Variants in AP2B1 observed in about 807,000 individuals in gnomAD.
AP2B1 encodes the protein adaptor related protein complex 2 subunit beta 1, also known as AP-2 complex subunit beta.
Under a neutral mutation model 102.0 loss-of-function variants are expected in AP2B1, and 23 were observed. The ratio of observed to expected loss-of-function variants is 0.23; its 90% CI spans 0.16 to 0.32. The LOEUF is 0.32. Among genes scored for constraint, AP2B1 ranks in the 10% least tolerant of loss-of-function variants. AP2B1 has a pLI of 1.00. For synonymous variants in AP2B1, 381 were observed against 421.2 expected (o/e 0.90, Z 1.17); for missense variants, 541 against 1,157.4 (o/e 0.47, Z 7.73).
intron 18 of AP2B1, among the ~76,000 whole-genome samples, chr17:35,695,868 C>G (rs1221743303): frequency 2.6e-5 from 4 of 151,956 alleles, no homozygotes; most frequent in African/African-American, 9.7e-5. Flanking sequence ...TCTTTGAATA[C>G]TATTTATGTT....
chr17:35,611,246 C>T (rs114924435), intron 5 of AP2B1, among the ~76,000 whole-genome samples: 125 of 152,208 alleles, frequency 8.2e-4, no homozygotes, highest in African/African-American at 2.9e-3. Flanking sequence ...TGTGCTGCAA[C>T]CGTCAACCAG....
intron 5 of AP2B1, among the ~76,000 whole-genome samples, chr17:35,619,904 C>T (rs1036765653): frequency 5.3e-5 from 8 of 152,102 alleles, no homozygotes; most frequent in African/African-American, 1.9e-4. Flanking sequence ...CGTGCCTCAG[C>T]CTCCCGAGTA....
intron 2 of AP2B1, among the ~76,000 whole-genome samples, chr17:35,597,608 G>A (rs958104402): frequency 5.9e-5 from 9 of 152,210 alleles, no homozygotes; most frequent in Non-Finnish European, 1.0e-4. Flanking sequence ...GAGTCACTTG[G>A]TGGAGCTCTT....
intron 21 of AP2B1, 127 bp from the exon 22 acceptor site, chr17:35,723,498 T>C: frequency 1.6e-6 from 1 of 642,510 alleles, no homozygotes; most frequent in Non-Finnish European, 2.9e-6. Context: ...TCTCTTTGTT[T>C]AGCTACTCCA....
chr17:35,709,402 A>G lies in AP2B1; in HGVS notation c.2539+94A>G. ...GCCCCAGAAGTTTTGAGTTATTTTGAGGTTAAAAAAAAATGGGTTAAGGAT... is the reference window on the plus strand; with the variant it reads ...GCCCCAGAAGTTTTGAGTTATTTTGGGGTTAAAAAAAAATGGGTTAAGGAT... On this transcript the variant is annotated intron_variant, in intron 19 of 21. Transcript: ENST00000610402. The G allele has an allele frequency of 1.9e-6, 2 of 1,036,860 alleles. 1 individual carries two copies. The highest frequency in any genetic ancestry group is 2.6e-5 in the South Asian group (2 of 77,092). 64.2% of individuals were successfully genotyped at this position (1,036,860 alleles called of 1,614,324 possible). A position where few individuals can be genotyped will look rare whatever the true frequency, so the allele number is the denominator to read the frequency against.
At chr17:35,639,502 G>C (rs1191620086) in intron 10 of AP2B1, 93 bp from the exon 11 acceptor site, 1 of 1,167,448 alleles carries the variant, frequency 8.6e-7, no homozygotes, top group Non-Finnish European at 1.2e-6. Context: ...GTTTGGTTTA[G>C]GGTCCCTTGT....
chr17:35,697,777 C>G (rs1280407966), intron 18 of AP2B1, among the ~76,000 whole-genome samples: 2 of 152,096 alleles, frequency 1.3e-5, no homozygotes, highest in Non-Finnish European at 2.9e-5. Flanking sequence ...GCCTGGCCAA[C>G]ATGGCGAAAC....
intron 5 of AP2B1, among the ~76,000 whole-genome samples, chr17:35,617,497 A>C (rs777578189): frequency 5.9e-5 from 9 of 152,194 alleles, no homozygotes; most frequent in Non-Finnish European, 4.4e-5. Context: ...AACTTTTAGG[A>C]TGAAGAATTT....
intron 21 of AP2B1, among the ~76,000 whole-genome samples, chr17:35,720,571 ATATTT>A (rs1268737754): frequency 2.7e-4 from 12 of 44,186 alleles, no homozygotes; most frequent in African/African-American, 6.7e-4. Context: ...ATATATATAT[ATATTT>A]TTTTTTTTTT....
intron 17 of AP2B1, among the ~76,000 whole-genome samples, chr17:35,678,493 A>T (rs555369085): frequency 6.6e-6 from 1 of 152,246 alleles, no homozygotes; most frequent in South Asian, 2.1e-4. Context: ...ATTAAGTGTG[A>T]CGTTAGCCAT....
chr17:35,670,803 A>C, intron 14 of AP2B1, 54 bp from the exon 15 acceptor site: 3 of 1,544,448 alleles, frequency 1.9e-6, no homozygotes, highest in Non-Finnish European at 2.7e-6. Context: ...GGCATCTAGT[A>C]TTTAGCTAAA....
intron 2 of AP2B1, among the ~76,000 whole-genome samples, chr17:35,596,222 C>T (rs953035742): frequency 2.1e-4 from 32 of 152,254 alleles, no homozygotes; most frequent in Non-Finnish European, 4.0e-4. Context: ...TCTGAAACCC[C>T]GCCGTTTGTC....
chr17:35,688,109 A>G (rs984916186), intron 18 of AP2B1, among the ~76,000 whole-genome samples: 4 of 152,092 alleles, frequency 2.6e-5, no homozygotes, highest in African/African-American at 9.7e-5. Context: ...ACCTCCTTTC[A>G]TCTTAACCCT....
At chr17:35,690,219 C>G (rs1684757618) in intron 18 of AP2B1, among the ~76,000 whole-genome samples, 1 of 152,184 alleles carries the variant, frequency 6.6e-6, no homozygotes, top group African/African-American at 2.4e-5. Flanking sequence ...TAGGCAACAA[C>G]CTTCTGTTAA....
chr17:35,601,499 C>T (rs754070634), intron 3 of AP2B1, among the ~76,000 whole-genome samples: 6 of 152,130 alleles, frequency 3.9e-5, no homozygotes, highest in Non-Finnish European at 8.8e-5. Flanking sequence ...TCCTGGCTGA[C>T]GCCAAGTGAT....
At chr17:35,716,566 A>T (rs56315012) in intron 20 of AP2B1, among the ~76,000 whole-genome samples, 2,503 of 152,182 alleles carry the variant, frequency 0.016, 68 homozygotes, top group African/African-American at 0.058. Context: ...TTTTCGAGGC[A>T]TAGTATTCCC....
chr17:35,596,810 C>A (rs151248475), intron 2 of AP2B1: 2 of 636,454 alleles, frequency 3.1e-6, no homozygotes, highest in East Asian at 3.4e-5. Flanking sequence ...GCCCCCGCAG[C>A]GCTGCCAGGC....
chr17:35,648,343 C>A (rs2074993620), intron 12 of AP2B1, among the ~76,000 whole-genome samples: 1 of 152,090 alleles, frequency 6.6e-6, no homozygotes. Context: ...TAGAAAAACC[C>A]TGTCTCTACT....
intron 5 of AP2B1, among the ~76,000 whole-genome samples, chr17:35,615,649 TAAA>T (rs1365304012): frequency 1.3e-5 from 2 of 152,228 alleles, no homozygotes; most frequent in Non-Finnish European, 2.9e-5. Context: ...TTGTTATCCT[TAAA>T]TATATATTAG....
Sources: gnomAD v4.1 joint callset for allele counts (sites outside exome capture counted in the v4.1 genomes callset) on GRCh38, gnomAD v4.1.1 for gene constraint, MANE v1.5 for transcripts, NCBI Gene and HGNC (gene_info 2026-07-23, HGNC 2026-07-21) for gene names.